The following LRMDA variants were observed in gnomAD, a reference collection of about 807,000 sequenced individuals.
LRMDA encodes leucine rich melanocyte differentiation associated.
LRMDA carries 18 observed loss-of-function variants against 29.8 expected under a neutral mutation model. The ratio of observed to expected loss-of-function variants is 0.60; its 90% confidence interval spans 0.42 to 0.90. The LOEUF (loss-of-function observed/expected upper bound fraction) is 0.90. Among genes scored for constraint, LRMDA ranks in the 40% least tolerant of loss-of-function variants. LRMDA has a pLI of 0.00. For synonymous variants in LRMDA, 125 were observed against 109.4 expected (o/e 1.14, Z -0.89); for missense variants, 273 against 273.9 (o/e 1.00, Z 0.02).
chr10:75,856,280 T>C (rs902060260), intron 2 of LRMDA, among the ~76,000 whole-genome samples: 1 of 152,308 alleles, frequency 6.6e-6, no homozygotes. Flanking sequence ...AGGTCCTTCA[T>C]GTCCGTTGTA....
At chr10:76,410,298 CTTTTTTTTTTTTTTT>C (rs1172213249) in intron 6 of LRMDA, among the ~76,000 whole-genome samples, 8 of 66,544 alleles carry the variant, frequency 1.2e-4, no homozygotes, top group Non-Finnish European at 1.9e-4. Context: ...CACTTTCTTT[CTTTTTTTTTTTTTTT>C]TTTTTTTTTT....
intron 6 of LRMDA, among the ~76,000 whole-genome samples, chr10:76,539,897 A>G (rs1843333722): frequency 6.6e-6 from 1 of 152,142 alleles, no homozygotes; most frequent in South Asian, 2.1e-4. Flanking sequence ...TCAGATACCC[A>G]AATGCAGTAA....
At chr10:76,343,925 C>T (rs767028749) in intron 6 of LRMDA, among the ~76,000 whole-genome samples, 16 of 150,344 alleles carry the variant, frequency 1.1e-4, no homozygotes, top group Admixed American at 2.7e-4. Context: ...TCAAGAAATT[C>T]CCCTGCCTCA....
At chr10:75,684,524 C>T (rs867972286) in intron 2 of LRMDA, among the ~76,000 whole-genome samples, 1 of 152,170 alleles carries the variant, frequency 6.6e-6, no homozygotes, top group African/African-American at 2.4e-5. Context: ...TAAAAAGTAG[C>T]AGTTTGGGTC....
intron 6 of LRMDA, among the ~76,000 whole-genome samples, chr10:76,376,542 C>T (rs893891130): frequency 6.6e-6 from 1 of 152,040 alleles, no homozygotes; most frequent in Non-Finnish European, 1.5e-5. Context: ...CAAGTGCAGG[C>T]AACTTTTTAA....
intron 6 of LRMDA, among the ~76,000 whole-genome samples, chr10:76,524,014 TC>T (rs1319445673): frequency 1.3e-5 from 2 of 152,214 alleles, no homozygotes; most frequent in Non-Finnish European, 2.9e-5. Flanking sequence ...AAATTAATCT[TC>T]CCGCTGTCCC....
intron 6 of LRMDA, among the ~76,000 whole-genome samples, chr10:76,406,594 C>T (rs764623634): frequency 1.3e-5 from 2 of 152,170 alleles, no homozygotes; most frequent in Non-Finnish European, 2.9e-5. Flanking sequence ...TGGTCCTTCT[C>T]ACTTTGCTCT....
intron 6 of LRMDA, among the ~76,000 whole-genome samples, chr10:76,505,184 T>A (rs570753285): frequency 6.6e-6 from 1 of 152,098 alleles, no homozygotes; most frequent in East Asian, 1.9e-4. Flanking sequence ...ACTGCTAGCT[T>A]GATGGGATTC....
chr10:76,224,820 A>C lies in LRMDA; in HGVS notation c.517-99581A>C. The stretch of plus-strand genomic sequence containing the variant: ...CTAACCCTTGGGAAGACCTGTTCAC[A>C]AAGATAAAATATGCCATTGAAGGGA... On this transcript the variant is annotated intron_variant, in intron 5 of 6. Coordinates refer to ENST00000611255, the MANE Select transcript of LRMDA (RefSeq NM_001305581.2). Among the ~76,000 whole-genome samples, 2 of 151,994 alleles carry C rather than the reference A, an allele frequency of 1.3e-5. 1 individual carries two copies.
chr10:76,218,801 G>T (rs1851774940), intron 5 of LRMDA, among the ~76,000 whole-genome samples: 2 of 152,184 alleles, frequency 1.3e-5, no homozygotes, highest in Non-Finnish European at 2.9e-5. Context: ...AACAGCAAGA[G>T]AATTACTCAG....
At chr10:76,358,890 T>G (rs1485001169) in intron 6 of LRMDA, among the ~76,000 whole-genome samples, 1 of 152,212 alleles carries the variant, frequency 6.6e-6, no homozygotes, top group Admixed American at 6.5e-5. Flanking sequence ...TTTCATTGAT[T>G]TGAATAACTC....
chr10:76,532,103 T>G (rs1205906116), intron 6 of LRMDA, among the ~76,000 whole-genome samples: 1 of 152,088 alleles, frequency 6.6e-6, no homozygotes, highest in Non-Finnish European at 1.5e-5. Flanking sequence ...GGTATACGCG[T>G]GCCATGGTGT....
chr10:75,740,442 G>A (rs1433077315), intron 2 of LRMDA, among the ~76,000 whole-genome samples: 1 of 152,178 alleles, frequency 6.6e-6, no homozygotes, highest in Non-Finnish European at 1.5e-5. Context: ...GTGCAGCCCT[G>A]TGTGATGTCT....
At chr10:76,086,729 T>G (rs1396495813) in intron 5 of LRMDA, among the ~76,000 whole-genome samples, 1 of 152,160 alleles carries the variant, frequency 6.6e-6, no homozygotes, top group African/African-American at 2.4e-5. Context: ...CTTTCAGTCC[T>G]GATAGGTCAT....
At chr10:76,368,565 T>G (rs1841418685) in intron 6 of LRMDA, among the ~76,000 whole-genome samples, 1 of 152,168 alleles carries the variant, frequency 6.6e-6, no homozygotes, top group Non-Finnish European at 1.5e-5. Context: ...TTGAATAGAA[T>G]GCGTATTGTG....
intron 2 of LRMDA, among the ~76,000 whole-genome samples, chr10:75,648,968 A>G (rs1444511060): frequency 6.6e-6 from 1 of 152,184 alleles, no homozygotes; most frequent in Non-Finnish European, 1.5e-5. Context: ...CATGTAACCC[A>G]TTGTTTTAAA....
intron 2 of LRMDA, among the ~76,000 whole-genome samples, chr10:75,631,981 C>T (rs1841329652): frequency 6.6e-6 from 1 of 152,090 alleles, no homozygotes; most frequent in Non-Finnish European, 1.5e-5. Flanking sequence ...TGTTGGATGC[C>T]ATAATGTGTT....
chr10:76,216,403 A>AT (rs1357803566), intron 5 of LRMDA, among the ~76,000 whole-genome samples: 3 of 152,136 alleles, frequency 2.0e-5, no homozygotes, highest in South Asian at 2.1e-4. Flanking sequence ...TGTAAAGTAG[A>AT]TTTTTTCATT....
chr10:75,909,590 T>C (rs753153860), intron 2 of LRMDA, among the ~76,000 whole-genome samples: 1 of 152,144 alleles, frequency 6.6e-6, no homozygotes, highest in Non-Finnish European at 1.5e-5. Flanking sequence ...TAGGTGGAAG[T>C]TGAGCTGGTG....
Sources: gnomAD v4.1 joint callset for allele counts (sites outside exome capture counted in the v4.1 genomes callset) on GRCh38, gnomAD v4.1.1 for gene constraint, MANE v1.5 for transcripts, NCBI Gene and HGNC (gene_info 2026-07-23, HGNC 2026-07-21) for gene names.